Variants in SAXO1 observed in about 807,000 individuals in gnomAD.
SAXO1 encodes stabilizer of axonemal microtubules 1, also known as 4930500O09Rik.
SAXO1 carries 21 observed loss-of-function variants against 17.5 expected under a neutral mutation model. The observed-to-expected ratio is 1.20, with a 90% CI of 0.85 to 1.72. SAXO1 has a LOEUF of 1.72. Among genes scored for constraint, SAXO1 ranks in the 40% most tolerant of loss-of-function variants. SAXO1 has a pLI of 0.00. For synonymous variants in SAXO1, 274 were observed against 216.5 expected, an observed-to-expected ratio of 1.27 and a Z score of -2.33; for missense variants, 843 against 596.0, an observed-to-expected ratio of 1.41 and a Z score of -4.32.
intron 3 of SAXO1, among the ~76,000 whole-genome samples, chr9:18,932,954 T>C (rs977412858): frequency 2.0e-5 from 3 of 152,206 alleles, no homozygotes; most frequent in Non-Finnish European, 2.9e-5. Flanking sequence ...TACAGGATCA[T>C]GTTGTCTGAG....
intron 1 of SAXO1, among the ~76,000 whole-genome samples, chr9:19,040,781 C>A (rs1356836030): frequency 6.6e-6 from 1 of 152,006 alleles, no homozygotes; most frequent in East Asian, 1.9e-4. Flanking sequence ...TTGCCTGGGT[C>A]TCAGGGTAGA....
chr9:18,940,288 T>G (rs1831498858), intron 3 of SAXO1, among the ~76,000 whole-genome samples: 1 of 152,156 alleles, frequency 6.6e-6, no homozygotes, highest in Non-Finnish European at 1.5e-5. Flanking sequence ...ATGATAACAT[T>G]CAGAATATTA....
At chr9:18,984,828 C>T (rs1410871454) in intron 1 of SAXO1, among the ~76,000 whole-genome samples, 2 of 152,176 alleles carry the variant, frequency 1.3e-5, no homozygotes, top group East Asian at 1.9e-4. Flanking sequence ...TTTTCCTTTG[C>T]ATTCACAGCT....
chr9:19,026,901 G>A (rs370578619), intron 1 of SAXO1: 108 of 737,920 alleles, frequency 1.5e-4, no homozygotes, highest in African/African-American at 3.5e-4. Context: ...GATGGCAACC[G>A]TGTGGGATGA....
At chr9:18,973,463 G>C (rs531028298) in intron 1 of SAXO1, among the ~76,000 whole-genome samples, 1 of 152,334 alleles carries the variant, frequency 6.6e-6, no homozygotes, top group South Asian at 2.1e-4. Flanking sequence ...TTTCTCTAGA[G>C]CGTTGCCTTG....
chr9:19,026,537 T>C (rs919568412), intron 1 of SAXO1, among the ~76,000 whole-genome samples: 9 of 152,084 alleles, frequency 5.9e-5, no homozygotes, highest in African/African-American at 2.2e-4. Flanking sequence ...CTAACCACAG[T>C]TTCAAATTTA....
At chr9:19,018,831 C>T (rs903926176) in intron 1 of SAXO1, among the ~76,000 whole-genome samples, 2 of 152,126 alleles carry the variant, frequency 1.3e-5, no homozygotes, top group Non-Finnish European at 2.9e-5. Context: ...CTTCTTATGC[C>T]GGGCATGGTG....
At chr9:18,950,207 G>A (rs1831972541) in intron 2 of SAXO1, among the ~76,000 whole-genome samples, 1 of 152,132 alleles carries the variant, frequency 6.6e-6, no homozygotes, top group Admixed American at 6.5e-5. Context: ...CTTAGTTTGG[G>A]AGTCAAGAAT....
At chr9:19,017,080 G>T (rs538222338) in intron 1 of SAXO1, among the ~76,000 whole-genome samples, 1 of 152,180 alleles carries the variant, frequency 6.6e-6, no homozygotes, top group African/African-American at 2.4e-5. Flanking sequence ...AGGCAGAGGT[G>T]GGCAGATTGC....
chr9:19,044,013 C>T (rs557811799), intron 1 of SAXO1, among the ~76,000 whole-genome samples: 42 of 151,874 alleles, frequency 2.8e-4, no homozygotes, highest in African/African-American at 6.5e-4. Context: ...GGTTTTGTGG[C>T]AGGTGCCTGT....
intron 1 of SAXO1, among the ~76,000 whole-genome samples, chr9:19,040,228 T>C (rs1233726679): frequency 6.6e-6 from 1 of 152,196 alleles, no homozygotes; most frequent in East Asian, 1.9e-4. Flanking sequence ...TCAAAAATTT[T>C]TGTTAAGAAA....
At chr9:19,018,493 G>A (rs1312193489) in intron 1 of SAXO1, among the ~76,000 whole-genome samples, 5 of 152,300 alleles carry the variant, frequency 3.3e-5, no homozygotes, top group Non-Finnish European at 5.9e-5. Flanking sequence ...TTCCAGCTTT[G>A]CAATGGAACG....
At chr9:18,984,919 C>A (rs1330244310) in intron 1 of SAXO1, among the ~76,000 whole-genome samples, 2 of 152,108 alleles carry the variant, frequency 1.3e-5, no homozygotes, top group Non-Finnish European at 2.9e-5. Flanking sequence ...TTGTTTTGAG[C>A]TGTTGATTTA....
intron 1 of SAXO1, among the ~76,000 whole-genome samples, chr9:18,981,851 A>T (rs1483037771): frequency 6.6e-6 from 1 of 152,232 alleles, no homozygotes; most frequent in Non-Finnish European, 1.5e-5. Flanking sequence ...CAGAACCAAG[A>T]TTTCAATTCA....
intron 1 of SAXO1, among the ~76,000 whole-genome samples, chr9:18,993,609 C>A (rs1436277035): frequency 2.0e-5 from 3 of 152,136 alleles, no homozygotes; most frequent in Admixed American, 2.0e-4. Flanking sequence ...AGGAGCACAG[C>A]TTTTATTTCC....
chr9:18,946,858 A>G (rs183741362), intron 2 of SAXO1, among the ~76,000 whole-genome samples: 1 of 152,224 alleles, frequency 6.6e-6, no homozygotes, highest in Non-Finnish European at 1.5e-5. Context: ...AAATATGTGA[A>G]GTAGAACATT....
chr9:19,018,852 G>A (rs1835107278), intron 1 of SAXO1, among the ~76,000 whole-genome samples: 1 of 152,218 alleles, frequency 6.6e-6, no homozygotes, highest in African/African-American at 2.4e-5. Flanking sequence ...GCTTACACCT[G>A]TAATCCCAGC....
chr9:19,032,393 A>G (rs1835807715), intron 1 of SAXO1, among the ~76,000 whole-genome samples: 1 of 152,264 alleles, frequency 6.6e-6, no homozygotes, highest in South Asian at 2.1e-4. Flanking sequence ...TGTTTTCATT[A>G]TCCTTATTCA....
intron 1 of SAXO1, among the ~76,000 whole-genome samples, chr9:18,954,050 C>T (rs968512547): frequency 6.6e-6 from 1 of 152,142 alleles, no homozygotes; most frequent in Admixed American, 6.5e-5. Context: ...GAGCTGCCCT[C>T]GCCACCTTGC....
Sources: allele counts gnomAD v4.1 joint callset (sites outside exome capture counted in the v4.1 genomes callset), GRCh38; gene constraint gnomAD v4.1.1; transcripts MANE v1.5; gene names NCBI Gene and HGNC (gene_info 2026-07-23, HGNC 2026-07-21).